Variants in SH3BP5L observed in about 807,000 individuals in gnomAD.
SH3BP5L encodes the protein SH3 binding domain protein 5 like, also known as SH3 domain-binding protein 5-like.
Under a neutral mutation model 40.9 loss-of-function variants are expected in SH3BP5L, and 16 were observed. The observed-to-expected ratio is 0.39, with a 90% CI of 0.27 to 0.59. SH3BP5L has a LOEUF of 0.59. SH3BP5L is among the 20% of genes least tolerant of loss of function. The pLI is 0.53. For missense variants in SH3BP5L, 471 were observed against 544.6 expected, an observed-to-expected ratio of 0.86 and a Z score of 1.35; for synonymous variants, 229 against 226.7, an observed-to-expected ratio of 1.01 and a Z score of -0.09.
chr1:248,824,702 G>C (rs1271798797), intron 2 of SH3BP5L, 51 bp downstream of exon 2: 1 of 1,595,784 alleles, frequency 6.3e-7, no homozygotes, highest in East Asian at 2.2e-5. Context: ...ACACTCTTCA[G>C]GGAGGCTGGA....
At chr1:248,824,060 T>C (rs189124727) in intron 2 of SH3BP5L, among the ~76,000 whole-genome samples, 46 of 152,308 alleles carry the variant, frequency 3.0e-4, no homozygotes, top group Non-Finnish European at 2.1e-4. Flanking sequence ...ACCAACTAGA[T>C]TGTAGACACT....
chr1:248,823,935 C>T (rs895591818), intron 2 of SH3BP5L, among the ~76,000 whole-genome samples: 4 of 152,202 alleles, frequency 2.6e-5, no homozygotes, highest in Non-Finnish European at 5.9e-5. Context: ...TCATTCTCAG[C>T]CAATTCCCTG....
chr1:248,817,009 A>G, intron 2 of SH3BP5L, 125 bp from the exon 3 acceptor site: 1 of 1,565,992 alleles, frequency 6.4e-7, no homozygotes. Context: ...TGAGACACTC[A>G]GGAAAGGAAA....
In SH3BP5L at chr1:248,812,031, C is replaced by T. The variant is rs756181475; in HGVS notation, c.1051G>A (p.Val351Met). The change falls in exon 7 of 7, where the codon GTG (valine) becomes ATG (methionine). Residue 351 changes from valine to methionine, a missense_variant. Physicochemically the swap from Val to Met is conservative, Grantham distance 21 (BLOSUM62 1). Coordinates refer to ENST00000366472, the MANE Select transcript of SH3BP5L (RefSeq NM_030645.3). This position sits in a 1 kb window ranked among gnomAD's most constrained non-coding sequence, Gnocchi z 6.1. ...VASDLQKCDS[V>M]EHLRGLSDHV... ...TCCGAGAGGCCTCGCAAGTGCTCCA[C>T]GGAGTCGCACTTCTGCAGGTCTGAA... The T allele has an allele frequency of 1.2e-6, 2 of 1,612,594 alleles. No individual in the cohort carries two copies. Among genetic ancestry groups the T allele is most frequent in the Non-Finnish European group, 1.7e-6 (2 of 1,179,586 alleles).
intron 2 of SH3BP5L, 102 bp downstream of exon 2, chr1:248,824,651 G>T: frequency 7.1e-7 from 1 of 1,399,556 alleles, no homozygotes; most frequent in South Asian, 1.4e-5. Flanking sequence ...TCCTGCCCCA[G>T]CAGACTGGGG....
chr1:248,812,091 C>T lies in SH3BP5L; in HGVS notation c.991G>A (p.Asp331Asn). The part of the protein sequence containing the change: ...SLGPGPAPDT[D>N]TLSLLSLRTV... ...CGCAGGCTCAGCAGACTCAGGGTAT[C>T]GGTGTCGGGGGCGGGGCCGGGCCCC... The change falls in exon 7 of 7, where the codon GAT (aspartate) becomes AAT (asparagine). Residue 331 changes from aspartate to asparagine, a missense_variant. Asp to Asn is a conservative substitution (Grantham distance 23). Coordinates refer to ENST00000366472, the MANE Select transcript of SH3BP5L (RefSeq NM_030645.3). The surrounding 1 kb of genome is among the most constrained non-coding windows in gnomAD (Gnocchi z 6.1). The T allele has an allele frequency of 1.2e-6, 2 of 1,612,102 alleles. No individual in the cohort carries two copies. Among genetic ancestry groups the T allele is most frequent in the Admixed American group, 1.7e-5 (1 of 59,930 alleles).
intron 2 of SH3BP5L, 105 bp from the exon 3 acceptor site, chr1:248,816,989 G>A: frequency 2.5e-6 from 4 of 1,591,650 alleles, no homozygotes; most frequent in Non-Finnish European, 3.4e-6. Flanking sequence ...ACTTGCCCAG[G>A]GAAATGAGGT....
Position 248,812,051 on chromosome 1 carries a change from T to A in SH3BP5L, c.1031A>T (p.Asp344Val). The change falls in exon 7 of 7, where the codon GAC becomes GTC. Residue 344 changes from aspartate to valine, a missense_variant. Coordinates refer to ENST00000366472, the MANE Select transcript of SH3BP5L (RefSeq NM_030645.3). The surrounding 1 kb of genome is among the most constrained non-coding windows in gnomAD (Gnocchi z 6.1). ...SLLSLRTVASDLQKCDSVEHL... is the reference protein window; with the variant it reads ...SLLSLRTVASVLQKCDSVEHL... ...CTCCACGGAGTCGCACTTCTGCAGG[T>A]CTGAAGCCACCGTGCGCAGGCTCAG... is the stretch of plus-strand genomic sequence containing the variant. The A allele has an allele frequency of 6.2e-7, 1 of 1,612,904 alleles. No homozygotes were observed. The highest frequency in any genetic ancestry group is 8.5e-7 in the Non-Finnish European group (1 of 1,179,634).
At chr1:248,824,558 C>A (rs1458275974) in intron 2 of SH3BP5L, among the ~76,000 whole-genome samples, 195 bp downstream of exon 2, 1 of 152,236 alleles carries the variant, frequency 6.6e-6, no homozygotes, top group Non-Finnish European at 1.5e-5. Flanking sequence ...TTTCTCTGCA[C>A]TCCATCAGCA....
Position 248,811,483 on chromosome 1 carries a change from T to TG in SH3BP5L, c.*416_*417insC. ...ACGGGAGGGGTGACTGTCCATCCCC[T>TG]CCGACGGGAGTACTCAGGCCCAGCA... On this transcript the variant is annotated 3_prime_UTR_variant, in exon 7 of 7. Coordinates refer to ENST00000366472, the MANE Select transcript of SH3BP5L (RefSeq NM_030645.3). 5.8e-6 allele frequency: 1 copy of TG among 171,242 alleles called. No individual in the cohort carries two copies. Among genetic ancestry groups the TG allele is most frequent in the Non-Finnish European group, 1.2e-5 (1 of 81,086 alleles). The allele number at this position is 171,242 out of a possible 1,614,324, so 10.6% of individuals were successfully genotyped here.
In SH3BP5L at chr1:248,812,223, G is replaced by A. The variant is rs757361561; in HGVS notation, c.859C>T (p.Arg287Trp). The A allele has an allele frequency of 3.1e-6, 5 of 1,607,478 alleles. No homozygotes were observed. The highest frequency in any genetic ancestry group is 2.2e-5 in the East Asian group (1 of 44,802). Residue 287 changes from arginine (R) to tryptophan (W), a missense_variant, in exon 7 of 7, where the codon CGG (arginine) becomes TGG (tryptophan). By Grantham distance (101) the Arg-to-Trp change is moderately radical. This residue lies in a region of SH3BP5L where 196 missense variants were observed against 174.6 expected (regional missense o/e 1.12). Transcript: ENST00000366472. This position sits in a 1 kb window ranked among gnomAD's most constrained non-coding sequence, Gnocchi z 6.1. Reference sequence around the variant, plus strand: ...TCGGCCCCCACGGGGGAGGAGCGCCGAGGGCCCAGGGGGTGGGGAGGCAGA... The same window carrying A: ...TCGGCCCCCACGGGGGAGGAGCGCCAAGGGCCCAGGGGGTGGGGAGGCAGA... ...GGLPPHPLGP[R>W]RSSPVGAEAG...
In SH3BP5L at chr1:248,814,506, A is replaced by C; in HGVS notation, c.480T>G (p.Ala160=). The part of the protein sequence containing the change: ...MVFVAEQGVM[A]DKNRLDPTWQ... ...ACGTGGGGTCCAGTCGGTTCTTGTC[A>C]GCCATGACGCCCTGCTCAGCCACAA... Residue 160 remains alanine, a synonymous_variant, in exon 5 of 7, where the codon GCT becomes GCG. Transcript: ENST00000366472. The C allele has an allele frequency of 6.2e-7, 1 of 1,614,244 alleles. No individual in the cohort carries two copies. Among genetic ancestry groups the C allele is most frequent in the Non-Finnish European group, 8.5e-7 (1 of 1,180,046 alleles).
chr1:248,818,743 CA>C (rs1374107765), intron 2 of SH3BP5L, among the ~76,000 whole-genome samples: 1 of 152,230 alleles, frequency 6.6e-6, no homozygotes, highest in Non-Finnish European at 1.5e-5. Flanking sequence ...CGAGAAAACA[CA>C]AAAGTTCCCA....
At chr1:248,818,364 CA>C (rs11290285) in intron 2 of SH3BP5L, among the ~76,000 whole-genome samples, 128,623 of 150,316 alleles carry the variant, frequency 0.86, 55,185 homozygotes, top group African/African-American at 0.94. Flanking sequence ...AAAAAACAAA[CA>C]AAAAAAAAAA....
chr1:248,824,958 C>CCTAT lies in SH3BP5L; in HGVS notation c.-27_-24dup. 2 of 1,604,128 alleles carry CCTAT rather than the reference C, an allele frequency of 1.2e-6. No individual in the cohort carries two copies. Among genetic ancestry groups the CCTAT allele is most frequent in the Non-Finnish European group, 1.7e-6 (2 of 1,176,104 alleles). On this transcript the variant is annotated 5_prime_UTR_variant, in exon 2 of 7. Transcript: ENST00000366472. ...CATGCTGACAGGGGGAGGGCAGAGC[C>CCTAT]CTATGCACAAGAGAGGACTGACATG...
intron 4 of SH3BP5L, 54 bp downstream of exon 4, chr1:248,816,480 T>C (rs1445198329): frequency 2.5e-6 from 4 of 1,610,254 alleles, no homozygotes; most frequent in Non-Finnish European, 3.4e-6. Context: ...GACAGAAGAA[T>C]CCAGGGCCAG....
Position 248,813,046 on chromosome 1 carries a change from G to T in SH3BP5L, c.654C>A (p.Ala218=). 1 of 1,610,538 alleles carries T rather than the reference G, an allele frequency of 6.2e-7. No homozygotes were observed. Among genetic ancestry groups the T allele is most frequent in the Non-Finnish European group, 8.5e-7 (1 of 1,177,538 alleles). ...VQALQKTLRR[A]IGKSRPYFEL... ...CAAAGTAGGGGCGGCTCTTGCCGAT[G>T]GCCCTCCGGAGGGTCTTCTGCAGGG... is the stretch of plus-strand genomic sequence containing the variant. The change falls in exon 6 of 7, where the codon GCC becomes GCA. Residue 218 remains alanine, a synonymous_variant. Coordinates refer to ENST00000366472, the MANE Select transcript of SH3BP5L (RefSeq NM_030645.3).
chr1:248,812,078 A>T lies in SH3BP5L; in HGVS notation c.1004T>A (p.Leu335Gln). The T allele has an allele frequency of 6.2e-7, 1 of 1,612,796 alleles. No individual in the cohort carries two copies. The change falls in exon 7 of 7, where the codon CTG (leucine) becomes CAG (glutamine). Residue 335 changes from leucine (L) to glutamine (Q), a missense_variant. Physicochemically the swap from Leu to Gln is moderately radical, Grantham distance 113. Transcript: ENST00000366472. This position sits in a 1 kb window ranked among gnomAD's most constrained non-coding sequence, Gnocchi z 6.1. Reference protein sequence around the residue: ...GPAPDTDTLSLLSLRTVASDL... With the variant: ...GPAPDTDTLSQLSLRTVASDL... ...TGAAGCCACCGTGCGCAGGCTCAGCAGACTCAGGGTATCGGTGTCGGGGGC... is the reference window on the plus strand; with the variant it reads ...TGAAGCCACCGTGCGCAGGCTCAGCTGACTCAGGGTATCGGTGTCGGGGGC...
chr1:248,814,376 G>A (rs1664040296), intron 5 of SH3BP5L, 73 bp downstream of exon 5: 1 of 1,483,258 alleles, frequency 6.7e-7, no homozygotes, highest in Non-Finnish European at 9.3e-7. Flanking sequence ...GAATGAGGAG[G>A]TGAGGTGATA....
Sources: allele counts gnomAD v4.1 joint callset (sites outside exome capture counted in the v4.1 genomes callset), GRCh38; gene constraint gnomAD v4.1.1; regional missense constraint gnomAD v4.1.1; non-coding constraint Gnocchi (gnomAD v3.1); transcripts MANE v1.5; gene names NCBI Gene and HGNC (gene_info 2026-07-23, HGNC 2026-07-21).